The following TOP3B variants were observed in gnomAD, a reference collection of about 807,000 sequenced individuals.
TOP3B encodes the protein DNA topoisomerase III beta.
In TOP3B, 45 loss-of-function variants were observed where a neutral mutation model predicts 93.9. That is an observed-to-expected ratio of 0.48 (90% CI 0.38 to 0.61). The LOEUF is 0.61. TOP3B is among the 20% of genes least tolerant of loss of function. TOP3B has a pLI of 0.00. For missense variants in TOP3B, 750 were observed against 1,156.1 expected, an observed-to-expected ratio of 0.65 and a Z score of 5.09; for synonymous variants, 357 against 472.6, an observed-to-expected ratio of 0.76 and a Z score of 3.17.
Position 21,959,528 on chromosome 22 carries a change from T to TG in TOP3B, c.1804+58dup. 1.9e-6 allele frequency: 3 copies of TG among 1,547,718 alleles called. No individual in the cohort carries two copies. The Admixed American group carries it at 5.7e-5, about 30-fold the overall frequency. ...CGTGGGGACCTGGGTCCCCAGGTACTGGCCTTGCTGACAGAGAGACACCCC... is the reference window on the plus strand; with the variant it reads ...CGTGGGGACCTGGGTCCCCAGGTACTGGGCCTTGCTGACAGAGAGACACCCC... On this transcript the variant is annotated intron_variant, in intron 15 of 17. Transcript: ENST00000357179.
Position 21,974,507 on chromosome 22 carries a change from A to G in TOP3B, c.71-19T>C. ...AGGCTCCCTGGGGATGAGGAAGCAC[A>G]AAGTGACTGGCTGCTTCAGCTGAGC... On this transcript the variant is annotated intron_variant, in intron 2 of 17. Transcript: ENST00000357179. The G allele has an allele frequency of 6.3e-7, 1 of 1,586,396 alleles. No individual in the cohort carries two copies. Among genetic ancestry groups the G allele is most frequent in the Non-Finnish European group, 8.6e-7 (1 of 1,164,692 alleles).
In TOP3B at chr22:21,970,142, A is replaced by G; in HGVS notation, c.581+68T>C. 6.4e-7 allele frequency: 1 copy of G among 1,563,648 alleles called. No individual in the cohort carries two copies. The highest frequency in any genetic ancestry group is 8.7e-7 in the Non-Finnish European group (1 of 1,154,578). ...GGCCTAGGGGCCCCGGAGGGGGACC[A>G]GTAGAGGCAGGTCTCTGGCTGAGGG... is the stretch of plus-strand genomic sequence containing the variant. On this transcript the variant is annotated intron_variant, in intron 6 of 17. Coordinates refer to ENST00000357179, the MANE Select transcript of TOP3B (RefSeq NM_001282112.2). This position sits in a 1 kb window ranked among gnomAD's most constrained non-coding sequence, Gnocchi z 4.4.
intron 2 of TOP3B, 110 bp downstream of exon 2, chr22:21,975,530 C>T (rs148784374): frequency 4.4e-4 from 560 of 1,274,028 alleles, no homozygotes; most frequent in Non-Finnish European, 5.4e-4. Flanking sequence ...TACCACCTGC[C>T]GACCCGAACC....
At chr22:21,978,250 G>A (rs757531363) in intron 1 of TOP3B, among the ~76,000 whole-genome samples, 1 of 151,978 alleles carries the variant, frequency 6.6e-6, no homozygotes, top group Non-Finnish European at 1.5e-5. Flanking sequence ...GGGAGGGGGA[G>A]GGGAAGGTGA....
rs551807025 is a variant in TOP3B at position 21,960,649 on chromosome 22, C to T, written c.1526-200G>A. The T allele has an allele frequency of 1.1e-3, 745 of 695,534 alleles. 8 individuals are homozygous for T. Among genetic ancestry groups the T allele is most frequent in the South Asian group, 6.9e-3 (370 of 53,946 alleles). 43.1% of individuals were successfully genotyped at this position (695,534 alleles called of 1,614,324 possible). On this transcript the variant is annotated intron_variant, in intron 13 of 17. Transcript: ENST00000357179. Reference sequence around the variant, plus strand: ...TGCATTTCATGTTCTGCCTTGAGAACACAAGGGCAGCCCTCCCTGTACAGG... The same window carrying T: ...TGCATTTCATGTTCTGCCTTGAGAATACAAGGGCAGCCCTCCCTGTACAGG...
At position 21,970,662 on chromosome 22, in the gene TOP3B, G is replaced by A. The variant is rs2071601088; in HGVS notation, c.385-256C>T. The A allele has an allele frequency of 3.8e-6, 2 of 532,362 alleles. No individual in the cohort carries two copies. The highest frequency in any genetic ancestry group is 1.9e-5 in the African/African-American group (1 of 52,628). 33.0% of individuals were successfully genotyped at this position (532,362 alleles called of 1,614,324 possible). A position where few individuals can be genotyped will look rare whatever the true frequency, so the allele number is the denominator to read the frequency against. ...TTTACTCCCATCTAGAAACATACTC[G>A]AACACTCCCTTCTTACTCCCGCCCT... On this transcript the variant is annotated intron_variant, in intron 5 of 17. Transcript: ENST00000357179. This position sits in a 1 kb window ranked among gnomAD's most constrained non-coding sequence, Gnocchi z 4.4.
chr22:21,970,402 A>T lies in TOP3B; in HGVS notation c.389T>A (p.Leu130His). The change falls in exon 6 of 18, where the codon CTT (leucine) becomes CAT (histidine). Residue 130 changes from leucine to histidine, a missense_variant. Leu to His is a moderately conservative substitution (Grantham distance 99). This residue lies in a region of TOP3B where 737 missense variants were observed against 933.7 expected (regional missense o/e 0.79). Transcript: ENST00000357179. The surrounding 1 kb of genome is among the most constrained non-coding windows in gnomAD (Gnocchi z 4.4). ...KEGENICFEV[L>H]DAVLPVMNKA... ...GTTCATGACGGGCAGAACAGCATCA[A>T]GAACCTGGGGGTGGGGAGTGGCCAG... The T allele has an allele frequency of 6.2e-7, 1 of 1,613,648 alleles. No individual in the cohort carries two copies. Among genetic ancestry groups the T allele is most frequent in the Non-Finnish European group, 8.5e-7 (1 of 1,179,826 alleles).
rs535569722 is a variant in TOP3B at position 21,972,477 on chromosome 22, G to A, written c.309+135C>T. The A allele has an allele frequency of 2.0e-3, 1,321 of 646,210 alleles. 4 individuals carry two copies. The highest frequency in any genetic ancestry group is 2.5e-3 in the Non-Finnish European group (979 of 385,368). 40.0% of individuals were successfully genotyped at this position (646,210 alleles called of 1,614,324 possible). On this transcript the variant is annotated intron_variant, in intron 4 of 17. Coordinates refer to ENST00000357179, the MANE Select transcript of TOP3B (RefSeq NM_001282112.2). ...GCAGGTGCCTCGTGGGCCAGCAGGG[G>A]GCACTCACAGAAAAAGCTAGCAAAG... is the stretch of plus-strand genomic sequence containing the variant.
At chr22:21,973,046 G>T (rs996422847) in intron 3 of TOP3B, 39 of 382,010 alleles carry the variant, frequency 1.0e-4, no homozygotes, top group South Asian at 8.0e-4. Flanking sequence ...CCATTCCTGG[G>T]CTGGGTCTCT....
chr22:21,965,448 C>A, intron 8 of TOP3B, 73 bp from the exon 9 acceptor site: 1 of 973,036 alleles, frequency 1.0e-6, no homozygotes, highest in South Asian at 1.7e-5. Context: ...GATGTGTGGA[C>A]GAAGGGTCTG....
chr22:21,968,058 C>G, intron 7 of TOP3B: 1 of 322,986 alleles, frequency 3.1e-6, no homozygotes, highest in South Asian at 3.2e-5. Context: ...GGGTCCCAAG[C>G]CCCGTGTCAG....
chr22:21,965,209 C>G (rs1317052120), intron 9 of TOP3B, 76 bp downstream of exon 9: 1 of 1,085,656 alleles, frequency 9.2e-7, no homozygotes, highest in Non-Finnish European at 1.3e-6. Flanking sequence ...ATCCTGCAAC[C>G]CTGGGCACTC....
chr22:21,971,687 C>T lies in TOP3B; in HGVS notation c.384+190G>A, dbSNP rs1302201269. On this transcript the variant is annotated intron_variant, in intron 5 of 17. Transcript: ENST00000357179. This position sits in a 1 kb window ranked among gnomAD's most constrained non-coding sequence, Gnocchi z 4.6. ...AGCAAGCGGAGGAACAACTGACCAC[C>T]TTTAATAGAGCCTATGCAGTTAAAA... is the stretch of plus-strand genomic sequence containing the variant. The T allele has an allele frequency of 1.5e-6, 1 of 660,804 alleles. No homozygotes were observed. Among genetic ancestry groups the T allele is most frequent in the Non-Finnish European group, 2.7e-6 (1 of 364,388 alleles). 40.9% of individuals were successfully genotyped at this position (660,804 alleles called of 1,614,324 possible). A position where few individuals can be genotyped will look rare whatever the true frequency, so the allele number is the denominator to read the frequency against.
chr22:21,964,007 CT>C lies in TOP3B; in HGVS notation c.1119del (p.Gly374ValfsTer20). On this transcript the variant is annotated frameshift_variant, in exon 11 of 18. Coordinates refer to ENST00000357179, the MANE Select transcript of TOP3B (RefSeq NM_001282112.2). LOFTEE classifies it high-confidence loss of function. ...TGGCCTTTCCGCGGGCGGTTGATAC[CT>C]TCTGCTAACAACCGCTTCACCTGAG... is the stretch of plus-strand genomic sequence containing the variant. Reference protein sequence around the residue: ...WADTVKRLLAEGINRPRKGHD... With the variant: ...WADTVKRLLAXGINRPRKGHD... 1 of 1,610,034 alleles carries C rather than the reference CT, an allele frequency of 6.2e-7. No homozygotes were observed. The highest frequency in any genetic ancestry group is 8.5e-7 in the Non-Finnish European group (1 of 1,178,246).
At chr22:21,973,282 CT>C (rs144819169) in intron 3 of TOP3B, 5 of 158,962 alleles carry the variant, frequency 3.1e-5, no homozygotes, top group South Asian at 1.7e-4. Flanking sequence ...GGCCCCATTT[CT>C]TTTTTTTTCT....
intron 1 of TOP3B, 197 bp from the exon 2 acceptor site, chr22:21,976,004 T>C (rs2071855122): frequency 4.3e-6 from 1 of 233,126 alleles, no homozygotes; most frequent in African/African-American, 2.3e-5. Context: ...GTGGCTGAGA[T>C]GATCCTGGGA....
At chr22:21,978,576 G>A (rs183824533) in intron 1 of TOP3B, among the ~76,000 whole-genome samples, 47 of 152,200 alleles carry the variant, frequency 3.1e-4, no homozygotes, top group African/African-American at 1.0e-3. Flanking sequence ...CCAGGCTGGG[G>A]GTCGGGAGAT....
chr22:21,971,472 A>G lies in TOP3B; in HGVS notation c.384+405T>C, dbSNP rs896974831. On this transcript the variant is annotated intron_variant, in intron 5 of 17. Coordinates refer to ENST00000357179, the MANE Select transcript of TOP3B (RefSeq NM_001282112.2). This position sits in a 1 kb window ranked among gnomAD's most constrained non-coding sequence, Gnocchi z 4.6. The stretch of plus-strand genomic sequence containing the variant: ...ATCCTGGATGAGGCAGGAGATGAGC[A>G]GAGCGAGGCCTGCAAAAGGAGCTCA... 1 of 330,316 alleles carries G rather than the reference A, an allele frequency of 3.0e-6. No homozygotes were observed. The highest frequency in any genetic ancestry group is 5.9e-6 in the Non-Finnish European group (1 of 168,662). 20.5% of individuals were successfully genotyped at this position (330,316 alleles called of 1,614,324 possible).
chr22:21,973,036 C>T, intron 3 of TOP3B: 1 of 395,972 alleles, frequency 2.5e-6, no homozygotes, highest in East Asian at 6.4e-5. Context: ...GCTGGGAGCA[C>T]CATTCCTGGG....
Sources: allele counts gnomAD v4.1 joint callset (sites outside exome capture counted in the v4.1 genomes callset), GRCh38; gene constraint gnomAD v4.1.1; regional missense constraint gnomAD v4.1.1; non-coding constraint Gnocchi (gnomAD v3.1); transcripts MANE v1.5; gene names NCBI Gene and HGNC (gene_info 2026-07-23, HGNC 2026-07-21).